The following NKAIN2 variants were observed in gnomAD, a reference collection of about 807,000 sequenced individuals.
NKAIN2 encodes sodium/potassium transporting ATPase interacting 2, also known as sodium/potassium-transporting ATPase subunit beta-1-interacting protein 2.
A neutral mutation model predicts 32.6 loss-of-function variants in NKAIN2; 14 were observed. The observed-to-expected ratio is 0.43, with a 90% CI of 0.28 to 0.67. NKAIN2 has a LOEUF of 0.67. Ranked by LOEUF, NKAIN2 falls within the 30% of genes least tolerant of loss-of-function variation. The pLI is 0.17. For synonymous variants in NKAIN2, 80 were observed against 87.2 expected, an observed-to-expected ratio of 0.92 and a Z score of 0.46; for missense variants, 198 against 258.3, an observed-to-expected ratio of 0.77 and a Z score of 1.60.
At chr6:123,975,894 A>C (rs1778543570) in intron 1 of NKAIN2, among the ~76,000 whole-genome samples, 1 of 152,044 alleles carries the variant, frequency 6.6e-6, no homozygotes, top group Non-Finnish European at 1.5e-5. Context: ...CTCATCTTGA[A>C]TTGTAGCTCA....
At chr6:124,732,700 A>G (rs975876805) in intron 4 of NKAIN2, among the ~76,000 whole-genome samples, 53 of 152,028 alleles carry the variant, frequency 3.5e-4, no homozygotes, top group African/African-American at 1.2e-3. Flanking sequence ...TTGTTTTGCA[A>G]TGTTACCTTT....
intron 1 of NKAIN2, among the ~76,000 whole-genome samples, chr6:124,135,243 C>A (rs1786696934): frequency 6.6e-6 from 1 of 151,512 alleles, no homozygotes; most frequent in African/African-American, 2.4e-5. Context: ...TAGGCAACAA[C>A]TAGCATGATG....
rs145175960 is a variant in NKAIN2, at chr6:124,386,121, C to T, written c.273+30774C>T. ...AGAAAGAAGTCAGAAGGAGCCAAGT[C>T]GGGACTGTAAGATGGATGCCTAATG... is the stretch of plus-strand genomic sequence containing the variant. On this transcript the variant is annotated intron_variant, in intron 3 of 6. Transcript: ENST00000368417. Among the ~76,000 whole-genome samples the T allele has an allele frequency of 4.1e-4, 63 of 152,118 alleles. No individual in the cohort carries two copies. The East Asian group carries it at 0.011, about 27-fold the overall frequency.
intron 4 of NKAIN2, among the ~76,000 whole-genome samples, chr6:124,731,261 C>T (rs1339090295): frequency 2.1e-5 from 3 of 144,262 alleles, no homozygotes; most frequent in Non-Finnish European, 4.6e-5. Context: ...CACATGCACA[C>T]GTATGTTTAT....
In NKAIN2 at chr6:124,610,310, C is replaced by T. The variant is rs1195293971; in HGVS notation, c.274-47876C>T. ...CTAGAACTTATCCCAGTACTTAACACATAACCGTCAGTCAAAATATGTCAA... is the reference window on the plus strand; with the variant it reads ...CTAGAACTTATCCCAGTACTTAACATATAACCGTCAGTCAAAATATGTCAA... On this transcript the variant is annotated intron_variant, in intron 3 of 6. Transcript: ENST00000368417. Among the ~76,000 whole-genome samples, 4 of 152,200 alleles carry T rather than the reference C, an allele frequency of 2.6e-5. No homozygotes were observed. In the East Asian group the frequency reaches 7.7e-4, roughly 29 times the overall value.
At chr6:124,445,802 CT>C (rs1775867059) in intron 3 of NKAIN2, among the ~76,000 whole-genome samples, 1 of 151,838 alleles carries the variant, frequency 6.6e-6, no homozygotes, top group Non-Finnish European at 1.5e-5. Context: ...AAAACAGACA[CT>C]GCTGCCCAGG....
rs115712372 is a variant in NKAIN2, at chr6:123,820,192, A to G, written c.54+15938A>G. ...CCCACTGGACTAAGCAGAAAGTATT[A>G]AAAGAAGGACAAAAAGGGTGTGGCC... On this transcript the variant is annotated intron_variant, in intron 1 of 6. Transcript: ENST00000368417. Among the ~76,000 whole-genome samples the G allele has an allele frequency of 4.0e-3, 612 of 152,322 alleles. 4 individuals carry two copies. Among genetic ancestry groups the G allele is most frequent in the East Asian group, 0.016 (83 of 5,182 alleles).
intron 3 of NKAIN2, among the ~76,000 whole-genome samples, chr6:124,626,832 G>A (rs1353582619): frequency 6.6e-6 from 1 of 152,134 alleles, no homozygotes; most frequent in African/African-American, 2.4e-5. Context: ...CAAGACCTAT[G>A]TTCTTATTCA....
chr6:124,523,361 C>G (rs148598669), intron 3 of NKAIN2, among the ~76,000 whole-genome samples: 14 of 151,584 alleles, frequency 9.2e-5, no homozygotes, highest in African/African-American at 3.4e-4. Flanking sequence ...GTTCTCATTC[C>G]TTAGGCCATG....
At chr6:124,334,555 G>A (rs546979743) in intron 2 of NKAIN2, among the ~76,000 whole-genome samples, 14 of 151,960 alleles carry the variant, frequency 9.2e-5, no homozygotes, top group South Asian at 8.3e-4. Context: ...GTTCCTGGTG[G>A]GGGGCACTAG....
chr6:123,849,465 C>T (rs1053797565), intron 1 of NKAIN2, among the ~76,000 whole-genome samples: 1 of 152,180 alleles, frequency 6.6e-6, no homozygotes, highest in Non-Finnish European at 1.5e-5. Context: ...GTCTGAGGCT[C>T]ACCTTAGAGT....
At chr6:123,868,380 C>G (rs939793102) in intron 1 of NKAIN2, among the ~76,000 whole-genome samples, 16 of 152,154 alleles carry the variant, frequency 1.1e-4, no homozygotes, top group Admixed American at 9.8e-4. Flanking sequence ...AATTAAGCTT[C>G]ACAGGACCAT....
intron 3 of NKAIN2, among the ~76,000 whole-genome samples, chr6:124,613,222 A>C (rs1488353759): frequency 6.6e-6 from 1 of 152,132 alleles, no homozygotes; most frequent in Non-Finnish European, 1.5e-5. Flanking sequence ...CAATAGCAAG[A>C]CCACTGTGAG....
chr6:124,765,868 C>G (rs1239463615), intron 4 of NKAIN2, among the ~76,000 whole-genome samples: 1 of 152,192 alleles, frequency 6.6e-6, no homozygotes, highest in Admixed American at 6.5e-5. Context: ...ATCATAGGAA[C>G]TGAGAGGAGG....
At chr6:124,088,246 C>T (rs1020221019) in intron 1 of NKAIN2, among the ~76,000 whole-genome samples, 4 of 151,754 alleles carry the variant, frequency 2.6e-5, no homozygotes, top group African/African-American at 9.7e-5. Flanking sequence ...AGTAAGATTC[C>T]ATCTCTACAA....
intron 3 of NKAIN2, among the ~76,000 whole-genome samples, chr6:124,579,054 A>G (rs985213922): frequency 6.6e-6 from 1 of 152,226 alleles, no homozygotes; most frequent in Non-Finnish European, 1.5e-5. Context: ...TCCCTAATGC[A>G]AATATGGCTG....
intron 3 of NKAIN2, among the ~76,000 whole-genome samples, chr6:124,497,824 TAAA>T (rs33913104): frequency 4.7e-5 from 5 of 105,706 alleles, no homozygotes; most frequent in Non-Finnish European, 5.6e-5. Context: ...GAGTAAGGGG[TAAA>T]AAAAAAAAAA....
chr6:124,792,681 A>G (rs1779800099), intron 5 of NKAIN2, among the ~76,000 whole-genome samples: 1 of 152,130 alleles, frequency 6.6e-6, no homozygotes, highest in Non-Finnish European at 1.5e-5. Context: ...TTTGAGCTTG[A>G]TCTAGAAAGA....
chr6:124,395,171 T>G (rs1452310166), intron 3 of NKAIN2, among the ~76,000 whole-genome samples: 1 of 152,124 alleles, frequency 6.6e-6, no homozygotes, highest in Non-Finnish European at 1.5e-5. Context: ...TTTTAATACT[T>G]CAAATTTGAA....
Sources: gnomAD v4.1 joint callset for allele counts (sites outside exome capture counted in the v4.1 genomes callset) on GRCh38, gnomAD v4.1.1 for gene constraint, MANE v1.5 for transcripts, NCBI Gene and HGNC (gene_info 2026-07-23, HGNC 2026-07-21) for gene names.